Variants in SEC31B observed in about 807,000 individuals in gnomAD.
The protein encoded by SEC31B is SEC31 homolog B, COPII component.
A neutral mutation model predicts 135.0 loss-of-function variants in SEC31B; 113 were observed. That is an observed-to-expected ratio of 0.84 (90% CI 0.72 to 0.98). The LOEUF (loss-of-function observed/expected upper bound fraction) is 0.98, where lower values mean the gene tolerates loss of function less well. Among genes scored for constraint, SEC31B ranks in the 50% least tolerant of loss-of-function variants. The pLI, the probability that SEC31B is intolerant of heterozygous loss-of-function variation, is 0.00. For missense variants in SEC31B, 1,296 were observed against 1,421.1 expected (o/e 0.91, Z 1.42); for synonymous variants, 508 against 549.4 (o/e 0.92, Z 1.05).
At position 100,488,071 on chromosome 10, in the gene SEC31B, C is replaced by T. The variant is rs1277210688; in HGVS notation, c.3316G>A (p.Ala1106Thr). 6.2e-7 allele frequency: 1 copy of T among 1,614,132 alleles called. No homozygotes were observed. Among genetic ancestry groups the T allele is most frequent in the East Asian group, 2.2e-5 (1 of 44,860 alleles). Residue 1106 changes from alanine to threonine, a missense_variant, in exon 25 of 26, where the codon GCC (alanine) becomes ACC (threonine). By Grantham distance (58) the Ala-to-Thr change is moderately conservative. Transcript: ENST00000370345. Reference protein sequence around the residue: ...LKTKRKLEEAAQRLEYLYEKL... With the variant: ...LKTKRKLEEATQRLEYLYEKL... ...TCATATAGATACTCCAGACGCTGGG[C>T]TGCCTCTTCCAGCTTCCTTTTTGTC...
At chr10:100,504,806 G>A (rs1055892751) in intron 10 of SEC31B, among the ~76,000 whole-genome samples, 2 of 151,910 alleles carry the variant, frequency 1.3e-5, no homozygotes, top group Non-Finnish European at 2.9e-5. Flanking sequence ...GCCCAGGAGA[G>A]AAGCTGAAGG....
chr10:100,498,618 G>T, intron 14 of SEC31B, 87 bp downstream of exon 14: 1 of 922,268 alleles, frequency 1.1e-6, no homozygotes, highest in South Asian at 1.4e-5. Flanking sequence ...CGAGGCAGGG[G>T]ACAAGAAGGG....
At chr10:100,487,852 C>T in intron 25 of SEC31B, 57 bp from the exon 26 acceptor site, 2 of 1,593,954 alleles carry the variant, frequency 1.3e-6, no homozygotes, top group Non-Finnish European at 1.7e-6. Flanking sequence ...ACCCTGGCAG[C>T]ATGGAAGGGA....
Position 100,490,054 on chromosome 10 carries a change from T to C in SEC31B, c.2919A>G (p.Pro973=), listed in dbSNP as rs1422710490. The C allele has an allele frequency of 6.4e-7, 1 of 1,561,874 alleles. No individual in the cohort carries two copies. Among genetic ancestry groups the C allele is most frequent in the South Asian group, 1.2e-5 (1 of 80,634 alleles). The part of the protein sequence containing the change: ...VPYLPGDPGA[P]CSSVLPTTGI... The stretch of plus-strand genomic sequence containing the variant: ...CAGTGGTTGGGAGGACACTAGAGCA[T>C]GGGGCACCTGGGTCCCCTGGAAGGT... The change falls in exon 21 of 26, where the codon CCA becomes CCG. Residue 973 remains proline, a synonymous_variant. Coordinates refer to ENST00000370345, the MANE Select transcript of SEC31B (RefSeq NM_015490.4).
chr10:100,516,039 T>G, intron 3 of SEC31B, 57 bp downstream of exon 3: 1 of 1,589,394 alleles, frequency 6.3e-7, no homozygotes, highest in Non-Finnish European at 8.6e-7. Context: ...CACACACTGC[T>G]CCCAGGATTC....
chr10:100,498,207 T>A lies in SEC31B; in HGVS notation c.1685A>T (p.Asp562Val), dbSNP rs201499278. The A allele has an allele frequency of 1.5e-5, 25 of 1,614,066 alleles. No homozygotes were observed. The Admixed American group carries it at 2.8e-4, about 18-fold the overall frequency. ...MTPWEIPITK[D>V]IDGLLSQALL... The stretch of plus-strand genomic sequence containing the variant: ...AGCCTGGCTTAGGAGTCCATCAATA[T>A]CTGCAGGCAGAAGCATCCCCTGTGC... The change falls in exon 15 of 26, where the codon GAT (aspartate) becomes GTT (valine). Residue 562 changes from aspartate to valine, a missense_variant and splice_region_variant. Physicochemically the swap from Asp to Val is radical, Grantham distance 152. Transcript: ENST00000370345.
chr10:100,489,578 G>A, intron 22 of SEC31B, 125 bp downstream of exon 22: 1 of 1,448,760 alleles, frequency 6.9e-7, no homozygotes, highest in South Asian at 1.2e-5. Flanking sequence ...TCTGAGGAAA[G>A]AAGAGTAAGT....
intron 11 of SEC31B, among the ~76,000 whole-genome samples, chr10:100,500,471 C>T (rs1236459414): frequency 3.3e-5 from 5 of 151,998 alleles, no homozygotes; most frequent in African/African-American, 9.7e-5. Flanking sequence ...CCCTCAACCA[C>T]GCCCGGCTAA....
rs114208963 is a variant in SEC31B at position 100,514,513 on chromosome 10, C to A, written c.203+1583G>T. ...ATCATCATCAGTAAATCCTCAAGTG[C>A]CTGCTCTTCAAAGGATACAGGTACT... On this transcript the variant is annotated intron_variant, in intron 3 of 25. Transcript: ENST00000370345. 6.9e-3 allele frequency among the ~76,000 whole-genome samples: 1,045 copies of A among 151,740 alleles called. 12 individuals are homozygous for A. The highest frequency in any genetic ancestry group is 0.023 in the African/African-American group (970 of 41,354).
rs1851387056 is a variant in SEC31B at position 100,495,367 on chromosome 10, G to A, written c.2472+18C>T. ...CGTATTATTGAATGAACAAATGAAT[G>A]AACAAACGAGGTCTTACCTGGTGAG... On this transcript the variant is annotated intron_variant, in intron 19 of 25. Coordinates refer to ENST00000370345, the MANE Select transcript of SEC31B (RefSeq NM_015490.4). 6.2e-7 allele frequency: 1 copy of A among 1,607,894 alleles called. No homozygotes were observed. Among genetic ancestry groups the A allele is most frequent in the South Asian group, 1.1e-5 (1 of 89,812 alleles).
Position 100,490,210 on chromosome 10 carries a change from G to A in SEC31B, c.2763C>T (p.Gly921=). ...PGSPLPMACP[G]IMRPGSTSLP... is the part of the protein sequence containing the mutation. ...GGGAGGTAGAGCCAGGTCGCATGAT[G>A]CCTGGGCATGCCATGGGTAGAGGGG... The change falls in exon 21 of 26, where the codon GGC becomes GGT. Residue 921 remains glycine (G), a synonymous_variant. Coordinates refer to ENST00000370345, the MANE Select transcript of SEC31B (RefSeq NM_015490.4). 1 of 1,612,038 alleles carries A rather than the reference G, an allele frequency of 6.2e-7. No individual in the cohort carries two copies. Among genetic ancestry groups the A allele is most frequent in the Non-Finnish European group, 8.5e-7 (1 of 1,178,994 alleles).
At chr10:100,509,232 C>T in intron 4 of SEC31B, 84 bp downstream of exon 4, 1 of 1,513,768 alleles carries the variant, frequency 6.6e-7, no homozygotes, top group Non-Finnish European at 9.1e-7. Flanking sequence ...GTCAGAGTTA[C>T]AGACTGGAGG....
intron 17 of SEC31B, 75 bp from the exon 18 acceptor site, chr10:100,496,506 A>G: frequency 1.3e-6 from 2 of 1,503,682 alleles, no homozygotes; most frequent in Non-Finnish European, 1.8e-6. Flanking sequence ...CAGCTCATTC[A>G]GGGATCTCCC....
At chr10:100,508,468 T>C (rs970649438) in intron 5 of SEC31B, 12 of 466,526 alleles carry the variant, frequency 2.6e-5, no homozygotes, top group Non-Finnish European at 1.3e-5. Flanking sequence ...TACCTCATGA[T>C]ACTGTAAGCA....
At chr10:100,495,237 CAGTT>C in intron 19 of SEC31B, 144 bp downstream of exon 19, 2 of 787,428 alleles carry the variant, frequency 2.5e-6, no homozygotes, top group African/African-American at 1.7e-5. Context: ...GTTCAATAAA[CAGTT>C]ATTTATTATA....
intron 3 of SEC31B, among the ~76,000 whole-genome samples, 193 bp downstream of exon 3, chr10:100,515,903 G>A (rs1234284314): frequency 6.7e-6 from 1 of 149,284 alleles, no homozygotes; most frequent in East Asian, 2.0e-4. Flanking sequence ...TGCTATTGCT[G>A]CTGACTGGAA....
intron 10 of SEC31B, among the ~76,000 whole-genome samples, 168 bp from the exon 11 acceptor site, chr10:100,502,652 C>T (rs113859147): frequency 2.6e-5 from 4 of 152,232 alleles, no homozygotes; most frequent in Non-Finnish European, 5.9e-5. Flanking sequence ...GTATTGAATT[C>T]GTCTCCCTAC....
At chr10:100,498,839 A>T in intron 13 of SEC31B, 35 bp from the exon 14 acceptor site, 1 of 1,500,446 alleles carries the variant, frequency 6.7e-7, no homozygotes, top group Non-Finnish European at 9.3e-7. Flanking sequence ...CTACTTAGGG[A>T]TGAACCCAAG....
intron 3 of SEC31B, 61 bp from the exon 4 acceptor site, chr10:100,509,572 G>T: frequency 7.4e-7 from 1 of 1,354,096 alleles, no homozygotes; most frequent in South Asian, 1.5e-5. Flanking sequence ...AGCACAGGAT[G>T]GGCATCTCTG....
Sources: gnomAD v4.1 joint callset for allele counts (sites outside exome capture counted in the v4.1 genomes callset) on GRCh38, gnomAD v4.1.1 for gene constraint, MANE v1.5 for transcripts, NCBI Gene and HGNC (gene_info 2026-07-23, HGNC 2026-07-21) for gene names.